Variants in CNTNAP4 observed in about 807,000 individuals in gnomAD.
CNTNAP4 encodes contactin associated protein family member 4.
In CNTNAP4, 98 loss-of-function variants were observed where a neutral mutation model predicts 148.4. The observed-to-expected ratio is 0.66, with a 90% CI of 0.56 to 0.78. The LOEUF (loss-of-function observed/expected upper bound fraction) is 0.78, where lower values mean the gene tolerates loss of function less well. CNTNAP4 is among the 30% of genes least tolerant of loss of function. The pLI, the probability that CNTNAP4 is intolerant of heterozygous loss-of-function variation, is 0.00. For missense variants in CNTNAP4, 1,935 were observed against 1,565.6 expected, an observed-to-expected ratio of 1.24 and a Z score of -3.98; for synonymous variants, 730 against 565.1, an observed-to-expected ratio of 1.29 and a Z score of -4.14.
chr16:76,559,312 G>A lies in CNTNAP4; in HGVS notation c.*629G>A, dbSNP rs2085327469. The A allele has an allele frequency of 6.6e-6, 1 of 151,970 alleles. No individual in the cohort carries two copies. The highest frequency in any genetic ancestry group is 6.6e-5 in the Admixed American group (1 of 15,246). The allele number at this position is 151,970 out of a possible 1,614,324, so 9.4% of individuals were successfully genotyped here. On this transcript the variant is annotated 3_prime_UTR_variant, in exon 24 of 24. Transcript: ENST00000611870. ...TTCTTAATAATGTTGAATACATTTG[G>A]TTTTGAGTCTCAGACTTCAACTCTG...
Position 76,448,166 on chromosome 16 carries a change from C to T in CNTNAP4, c.693C>T (p.His231=). 6.2e-7 allele frequency: 1 copy of T among 1,613,542 alleles called. No homozygotes were observed. The highest frequency in any genetic ancestry group is 8.5e-7 in the Non-Finnish European group (1 of 1,179,560). The change falls in exon 5 of 24, where the codon CAC becomes CAT. Residue 231 remains histidine (H), a synonymous_variant. Transcript: ENST00000611870. ...ACAGGGAAGGGCCAAATGGAGATCA[C>T]ATCACACTGCAATTAAGAAGAGCAA... The part of the protein sequence containing the change: ...LLHREGPNGD[H]ITLQLRRARL...
At chr16:76,366,355 C>T (rs1002189167) in intron 3 of CNTNAP4, among the ~76,000 whole-genome samples, 2 of 152,132 alleles carry the variant, frequency 1.3e-5, no homozygotes, top group Admixed American at 1.3e-4. Flanking sequence ...CATCATTTAG[C>T]TCCCACTTAT....
chr16:76,383,037 A>G (rs2016145077), intron 3 of CNTNAP4, among the ~76,000 whole-genome samples: 1 of 152,156 alleles, frequency 6.6e-6, no homozygotes. Flanking sequence ...ATCCATCTTT[A>G]TGGGAAGATG....
intron 9 of CNTNAP4, among the ~76,000 whole-genome samples, chr16:76,466,893 A>T (rs1049913868): frequency 4.6e-5 from 7 of 152,140 alleles, no homozygotes; most frequent in African/African-American, 1.7e-4. Context: ...AAGAGAACCC[A>T]TTTTCCAAAT....
intron 23 of CNTNAP4, 196 bp from the exon 24 acceptor site, chr16:76,558,294 G>C: frequency 2.0e-6 from 1 of 492,800 alleles, no homozygotes; most frequent in South Asian, 3.7e-5. Flanking sequence ...CCACAAGGCT[G>C]ATAGAACTCA....
At chr16:76,322,409 C>A (rs1046254036) in intron 2 of CNTNAP4, among the ~76,000 whole-genome samples, 1 of 152,190 alleles carries the variant, frequency 6.6e-6, no homozygotes, top group Non-Finnish European at 1.5e-5. Flanking sequence ...CTTCCACTCT[C>A]CTTCTTCTCT....
At chr16:76,496,085 T>TTGTGTGTGTGTGTGTGTGTGTGTG (rs5817999) in intron 14 of CNTNAP4, among the ~76,000 whole-genome samples, 4 of 140,034 alleles carry the variant, frequency 2.9e-5, no homozygotes, top group African/African-American at 5.1e-5. Flanking sequence ...CAAGATTATG[T>TTGTGTGTGTGTGTGTGTGTGTGTG]TGTGTGTGTG....
intron 21 of CNTNAP4, among the ~76,000 whole-genome samples, chr16:76,543,552 A>C (rs2084553045): frequency 6.6e-6 from 1 of 152,238 alleles, no homozygotes; most frequent in Admixed American, 6.5e-5. Flanking sequence ...TTAGATGTCC[A>C]TGACACTCTG....
intron 1 of CNTNAP4, among the ~76,000 whole-genome samples, chr16:76,308,874 G>A (rs778907664): frequency 5.5e-4 from 84 of 152,136 alleles, no homozygotes; most frequent in Non-Finnish European, 5.3e-4. Context: ...GTCCAGGCTG[G>A]TGTGCAGTGG....
chr16:76,306,935 G>C (rs951899707), intron 1 of CNTNAP4, among the ~76,000 whole-genome samples: 6 of 152,138 alleles, frequency 3.9e-5, no homozygotes, highest in Non-Finnish European at 7.3e-5. Context: ...CAGACCTCGG[G>C]AAGTACCAGA....
intron 15 of CNTNAP4, among the ~76,000 whole-genome samples, chr16:76,510,926 G>T (rs1057110469): frequency 1.3e-5 from 2 of 152,012 alleles, no homozygotes; most frequent in African/African-American, 4.8e-5. Flanking sequence ...CCTTGTATGT[G>T]ACTTGCTTTT....
At chr16:76,481,864 A>G (rs2081843138) in intron 12 of CNTNAP4, among the ~76,000 whole-genome samples, 1 of 152,090 alleles carries the variant, frequency 6.6e-6, no homozygotes, top group African/African-American at 2.4e-5. Flanking sequence ...TAGCGGGAGT[A>G]TGGTGAGTAA....
intron 3 of CNTNAP4, among the ~76,000 whole-genome samples, chr16:76,401,187 A>G (rs771930642): frequency 6.6e-6 from 1 of 152,030 alleles, no homozygotes; most frequent in African/African-American, 2.4e-5. Flanking sequence ...ATGTTTTTCC[A>G]TTTGTGCATG....
At chr16:76,365,112 C>T (rs925166961) in intron 3 of CNTNAP4, among the ~76,000 whole-genome samples, 3 of 152,182 alleles carry the variant, frequency 2.0e-5, no homozygotes, top group African/African-American at 7.2e-5. Context: ...GTTTTCCCAA[C>T]ACCATTTATT....
At chr16:76,336,248 T>G (rs1030926603) in intron 2 of CNTNAP4, among the ~76,000 whole-genome samples, 23 of 152,208 alleles carry the variant, frequency 1.5e-4, no homozygotes, top group African/African-American at 4.6e-4. Context: ...GAGAAATTCA[T>G]AACTGCAATA....
At chr16:76,452,327 A>G (rs2080524979) in intron 7 of CNTNAP4, among the ~76,000 whole-genome samples, 181 bp from the exon 8 acceptor site, 1 of 152,220 alleles carries the variant, frequency 6.6e-6, no homozygotes, top group African/African-American at 2.4e-5. Context: ...AATGGAGAGA[A>G]GAGCAGAGCA....
At chr16:76,529,535 G>A (rs1473465033) in intron 17 of CNTNAP4, among the ~76,000 whole-genome samples, 3 of 152,180 alleles carry the variant, frequency 2.0e-5, no homozygotes, top group Non-Finnish European at 2.9e-5. Flanking sequence ...TTTCGTAGAA[G>A]CTTCTTAAAT....
intron 3 of CNTNAP4, among the ~76,000 whole-genome samples, chr16:76,366,700 A>G (rs142096161): frequency 6.8e-4 from 103 of 152,270 alleles, no homozygotes; most frequent in African/African-American, 2.1e-3. Context: ...AGGAATTGCC[A>G]TACTGCTTTC....
At chr16:76,427,828 A>G (rs1175051602) in intron 4 of CNTNAP4, among the ~76,000 whole-genome samples, 5 of 152,168 alleles carry the variant, frequency 3.3e-5, no homozygotes, top group African/African-American at 1.2e-4. Context: ...GGATAGATAC[A>G]TATTTACTGA....
Sources: allele counts gnomAD v4.1 joint callset (sites outside exome capture counted in the v4.1 genomes callset), GRCh38; gene constraint gnomAD v4.1.1; transcripts MANE v1.5; gene names NCBI Gene and HGNC (gene_info 2026-07-23, HGNC 2026-07-21).